The following PPARGC1A variants were observed in gnomAD, a reference collection of about 807,000 sequenced individuals.
The protein encoded by PPARGC1A is peroxisome proliferator-activated receptor gamma coactivator 1-alpha.
PPARGC1A carries 25 observed loss-of-function variants against 88.7 expected under a neutral mutation model. The ratio of observed to expected loss-of-function variants is 0.28; its 90% CI spans 0.21 to 0.39. PPARGC1A has a LOEUF of 0.39. Among genes scored for constraint, PPARGC1A ranks in the 10% least tolerant of loss-of-function variants. The probability of loss-of-function intolerance (pLI) is 1.00; values close to 1 mark genes in which losing one functional copy is unlikely to be tolerated. For missense variants in PPARGC1A, 880 were observed against 968.7 expected (o/e 0.91, Z 1.22); for synonymous variants, 363 against 355.6 (o/e 1.02, Z -0.24).
chr4:23,886,695 T>G (rs1170477102), intron 1 of PPARGC1A, among the ~76,000 whole-genome samples: 1 of 152,064 alleles, frequency 6.6e-6, no homozygotes, highest in African/African-American at 2.4e-5. Context: ...CATATTTGGT[T>G]GTGGATGTAA....
At chr4:24,329,327 A>C in the PPARGC1A span, among the ~76,000 whole-genome samples, 1 of 151,520 alleles carries the variant, frequency 6.6e-6, no homozygotes, top group Admixed American at 6.6e-5. Context: ...CCACCATTCC[A>C]GTGAACCCCA....
At chr4:24,023,195 A>C in the PPARGC1A span, among the ~76,000 whole-genome samples, 1 of 152,168 alleles carries the variant, frequency 6.6e-6, no homozygotes, top group Non-Finnish European at 1.5e-5. Context: ...ACTGACAAAT[A>C]CTTGCCATAG....
chr4:23,863,526 A>T (rs1225388252), intron 2 of PPARGC1A, among the ~76,000 whole-genome samples: 1 of 152,132 alleles, frequency 6.6e-6, no homozygotes, highest in African/African-American at 2.4e-5. Context: ...CTATTAGATG[A>T]GTCCCCAGTC....
chr4:24,192,927 T>C, the PPARGC1A span, among the ~76,000 whole-genome samples: 5 of 152,250 alleles, frequency 3.3e-5, no homozygotes, highest in African/African-American at 1.2e-4. Flanking sequence ...AGAAATCTAT[T>C]ATCATTCAAT....
chr4:24,332,884 T>C, the PPARGC1A span, among the ~76,000 whole-genome samples: 1 of 152,226 alleles, frequency 6.6e-6, no homozygotes, highest in African/African-American at 2.4e-5. Context: ...AATTTCTTTA[T>C]TTACCAACCT....
At chr4:24,105,965 C>G in the PPARGC1A span, among the ~76,000 whole-genome samples, 8 of 152,182 alleles carry the variant, frequency 5.3e-5, no homozygotes, top group African/African-American at 1.9e-4. Flanking sequence ...AATGTGCTCA[C>G]AGCCATTAAC....
intron 7 of PPARGC1A, chr4:23,820,331 A>G (rs58763306): frequency 0.02 from 2,987 of 152,676 alleles, 112 homozygotes; most frequent in African/African-American, 0.068. Context: ...TTCTCATTTT[A>G]TCAGTTATAA....
At chr4:24,334,961 A>T in the PPARGC1A span, among the ~76,000 whole-genome samples, 1 of 152,204 alleles carries the variant, frequency 6.6e-6, no homozygotes, top group African/African-American at 2.4e-5. Context: ...AATTGTAAGC[A>T]CTTGTACTTA....
rs562953766 is a variant in PPARGC1A at position 23,883,775 on chromosome 4, T to C, written c.234+977A>G. 3.3e-5 allele frequency: 5 copies of C among 152,342 alleles called. No individual in the cohort carries two copies. The East Asian group carries it at 7.7e-4, about 23-fold the overall frequency. The allele number at this position is 152,342 out of a possible 1,614,324, so 9.4% of individuals were successfully genotyped here. Reference sequence around the variant, plus strand: ...AAACATTTATTCAGCATGTATTATATGCTGGGTTCCAGCAAAACTCAGTTA... The same window carrying C: ...AAACATTTATTCAGCATGTATTATACGCTGGGTTCCAGCAAAACTCAGTTA... On this transcript the variant is annotated intron_variant, in intron 2 of 12. Transcript: ENST00000264867.
At chr4:24,174,644 C>T in the PPARGC1A span, among the ~76,000 whole-genome samples, 2,518 of 152,254 alleles carry the variant, frequency 0.017, 38 homozygotes, top group Non-Finnish European at 0.027. Context: ...CAAAGCTCAG[C>T]GAGGTAAGTG....
At chr4:24,311,431 C>A in the PPARGC1A span, among the ~76,000 whole-genome samples, 2 of 147,380 alleles carry the variant, frequency 1.4e-5, no homozygotes, top group Non-Finnish European at 3.0e-5. Flanking sequence ...GTCAGGAGAT[C>A]GAGACCATCC....
chr4:23,828,893 C>T (rs1176896787), intron 4 of PPARGC1A, among the ~76,000 whole-genome samples: 1 of 152,134 alleles, frequency 6.6e-6, no homozygotes, highest in Non-Finnish European at 1.5e-5. Flanking sequence ...TAAAAAAAAT[C>T]GGCTGGCTTA....
chr4:24,249,544 C>T, the PPARGC1A span, among the ~76,000 whole-genome samples: 1 of 152,182 alleles, frequency 6.6e-6, no homozygotes, highest in African/African-American at 2.4e-5. Context: ...GCCATGAAGA[C>T]AGAATTCTCT....
chr4:24,339,016 T>C, the PPARGC1A span, among the ~76,000 whole-genome samples: 12 of 152,012 alleles, frequency 7.9e-5, no homozygotes, highest in Non-Finnish European at 7.4e-5. Flanking sequence ...ATCACTGCTA[T>C]CCTGTACCCA....
At chr4:23,921,841 T>G in the PPARGC1A span, among the ~76,000 whole-genome samples, 2 of 152,164 alleles carry the variant, frequency 1.3e-5, no homozygotes, top group Non-Finnish European at 2.9e-5. Context: ...AACATGGCAT[T>G]CACCTAAACG....
the PPARGC1A span, among the ~76,000 whole-genome samples, chr4:24,107,275 TTTC>T: frequency 6.6e-6 from 1 of 152,260 alleles, no homozygotes; most frequent in Non-Finnish European, 1.5e-5. Flanking sequence ...GAGTCAATCA[TTTC>T]TTCTTTTGTG....
At chr4:24,204,346 G>C in the PPARGC1A span, among the ~76,000 whole-genome samples, 1 of 152,064 alleles carries the variant, frequency 6.6e-6, no homozygotes, top group Non-Finnish European at 1.5e-5. Flanking sequence ...TAGGTTCTTT[G>C]AGGGCAAAAA....
the PPARGC1A span, among the ~76,000 whole-genome samples, chr4:24,069,800 C>T: frequency 5.3e-5 from 8 of 152,198 alleles, no homozygotes; most frequent in African/African-American, 1.9e-4. Flanking sequence ...CAGTAGATTC[C>T]GAGGAATTTG....
chr4:24,047,390 C>G, the PPARGC1A span, among the ~76,000 whole-genome samples: 3 of 152,152 alleles, frequency 2.0e-5, no homozygotes, highest in Non-Finnish European at 4.4e-5. Flanking sequence ...TGAAGTAGCC[C>G]TTAAATATTT....
Sources: allele counts gnomAD v4.1 joint callset (sites outside exome capture counted in the v4.1 genomes callset), GRCh38; gene constraint gnomAD v4.1.1; transcripts MANE v1.5; gene names NCBI Gene and HGNC (gene_info 2026-07-23, HGNC 2026-07-21).